Variants in METTL24 observed in about 807,000 individuals in gnomAD.
METTL24 encodes probable methyltransferase-like protein 24.
Under a neutral mutation model 32.7 loss-of-function variants are expected in METTL24, and 29 were observed. That is an observed-to-expected ratio of 0.89 (90% CI 0.66 to 1.21). The LOEUF (loss-of-function observed/expected upper bound fraction) is 1.21. Among genes scored for constraint, METTL24 ranks in the 50% most tolerant of loss-of-function variants. The pLI is 0.00. For missense variants in METTL24, 439 were observed against 468.1 expected (o/e 0.94, Z 0.57); for synonymous variants, 163 against 179.5 (o/e 0.91, Z 0.73).
At chr6:110,340,499 T>C (rs1313794039) in intron 1 of METTL24, among the ~76,000 whole-genome samples, 1 of 152,190 alleles carries the variant, frequency 6.6e-6, no homozygotes, top group Non-Finnish European at 1.5e-5. Flanking sequence ...ACAGGAGCCC[T>C]GGGCTAGGGG....
intron 4 of METTL24, among the ~76,000 whole-genome samples, chr6:110,270,277 ACTCATC>A (rs1770931860): frequency 6.6e-6 from 1 of 150,484 alleles, no homozygotes. Context: ...CTATCCTCTT[ACTCATC>A]CTCCTTCCTT....
intron 4 of METTL24, among the ~76,000 whole-genome samples, chr6:110,258,156 A>T (rs2114696777): frequency 6.6e-6 from 1 of 152,332 alleles, no homozygotes; most frequent in Non-Finnish European, 1.5e-5. Flanking sequence ...ATTTTCACTC[A>T]TTCTCCATAA....
rs183003333 is a variant in METTL24 at position 110,294,755 on chromosome 6, G to A, written c.786+4167C>T. 2.3e-3 allele frequency among the ~76,000 whole-genome samples: 349 copies of A among 152,058 alleles called. 3 individuals carry two copies. Among genetic ancestry groups the A allele is most frequent in the African/African-American group, 7.8e-3 (324 of 41,526 alleles). On this transcript the variant is annotated intron_variant, in intron 4 of 4. Coordinates refer to ENST00000338882, the MANE Select transcript of METTL24 (RefSeq NM_001123364.3). ...TACTTATCAAAGGAGAGCTAGCATG[G>A]CAGAACTAACATCAGATAAAACAAA...
intron 4 of METTL24, chr6:110,253,940 T>A (rs1324854296): frequency 6.9e-7 from 1 of 1,455,150 alleles, no homozygotes; most frequent in Non-Finnish European, 9.1e-7. Flanking sequence ...CCAGGAGGGG[T>A]GAGGAGGATG....
chr6:110,318,856 T>TA (rs1259699990), intron 2 of METTL24, among the ~76,000 whole-genome samples: 1 of 152,190 alleles, frequency 6.6e-6, no homozygotes, highest in Non-Finnish European at 1.5e-5. Context: ...AGGGCTTCAA[T>TA]AAGCTCTCTT....
At chr6:110,306,625 T>A (rs1391608413) in intron 3 of METTL24, among the ~76,000 whole-genome samples, 1 of 152,220 alleles carries the variant, frequency 6.6e-6, no homozygotes, top group African/African-American at 2.4e-5. Context: ...TATAAACATG[T>A]ACCACATTGG....
At chr6:110,286,982 GTTAATAC>G (rs932840905) in intron 4 of METTL24, among the ~76,000 whole-genome samples, 10 of 152,302 alleles carry the variant, frequency 6.6e-5, no homozygotes, top group Admixed American at 3.3e-4. Context: ...GATCTTGTGA[GTTAATAC>G]TTAATAAGCT....
At chr6:110,312,157 C>G (rs184764576) in intron 3 of METTL24, among the ~76,000 whole-genome samples, 4 of 152,256 alleles carry the variant, frequency 2.6e-5, no homozygotes, top group Admixed American at 2.6e-4. Context: ...GAGATCTTAT[C>G]TTATCCCAGT....
intron 1 of METTL24, among the ~76,000 whole-genome samples, chr6:110,324,188 C>T (rs995755346): frequency 1.3e-5 from 2 of 152,176 alleles, no homozygotes; most frequent in Non-Finnish European, 2.9e-5. Flanking sequence ...TCAATACCAG[C>T]GCTTTGGAAG....
At chr6:110,247,802 T>C (rs1028558640) in intron 4 of METTL24, among the ~76,000 whole-genome samples, 2 of 152,208 alleles carry the variant, frequency 1.3e-5, no homozygotes, top group South Asian at 4.1e-4. Flanking sequence ...TCATTGCATG[T>C]CTGTTTGATA....
At chr6:110,251,555 T>C (rs1455195623) in intron 4 of METTL24, among the ~76,000 whole-genome samples, 1 of 152,184 alleles carries the variant, frequency 6.6e-6, no homozygotes, top group Non-Finnish European at 1.5e-5. Context: ...TCTTAGTGTG[T>C]TTGCACCACC....
intron 3 of METTL24, among the ~76,000 whole-genome samples, chr6:110,314,926 T>C (rs1248254449): frequency 1.3e-5 from 2 of 151,778 alleles, no homozygotes; most frequent in Admixed American, 6.6e-5. Flanking sequence ...ATCATGCCAC[T>C]GCACTGCAGC....
At chr6:110,278,165 AG>A (rs1428577119) in intron 4 of METTL24, among the ~76,000 whole-genome samples, 1 of 152,186 alleles carries the variant, frequency 6.6e-6, no homozygotes, top group Non-Finnish European at 1.5e-5. Flanking sequence ...ATTATTTCAC[AG>A]GCATGCTGAG....
Position 110,244,239 on chromosome 6 carries a change from T to TG in METTL24, c.*1706dup, listed in dbSNP as rs752992458. Among the ~76,000 whole-genome samples, 57 of 152,124 alleles carry TG rather than the reference T, an allele frequency of 3.7e-4. No homozygotes were observed. The highest frequency in any genetic ancestry group is 6.6e-4 in the Non-Finnish European group (45 of 68,012). On this transcript the variant is annotated 3_prime_UTR_variant, in exon 5 of 5. Transcript: ENST00000338882. ...AGATTTGACAGCATAGGCAAGTCTG[T>TG]GGGTGGTAAATCATGTTTGAAGGCA...
At chr6:110,313,307 C>T (rs1051306248) in intron 3 of METTL24, among the ~76,000 whole-genome samples, 9 of 152,226 alleles carry the variant, frequency 5.9e-5, no homozygotes, top group African/African-American at 2.2e-4. Context: ...GATTACTATG[C>T]ATGCTACGCA....
chr6:110,279,279 T>C (rs1475570859), intron 4 of METTL24, among the ~76,000 whole-genome samples: 4 of 152,206 alleles, frequency 2.6e-5, no homozygotes, highest in Non-Finnish European at 5.9e-5. Context: ...CATGGTGTAT[T>C]ATACAGACAG....
At chr6:110,290,619 T>A (rs1458944331) in intron 4 of METTL24, among the ~76,000 whole-genome samples, 1 of 152,226 alleles carries the variant, frequency 6.6e-6, no homozygotes, top group Non-Finnish European at 1.5e-5. Flanking sequence ...CCCATTCACA[T>A]ATTTACAGAC....
rs536144651 is a variant in METTL24 at position 110,298,964 on chromosome 6, G to T, written c.744C>A (p.Thr248=). Reference sequence around the variant, plus strand: ...CATTCAAAATGCTTCCCAGTTTTCTGGTGTTGCTATGTGGTTTTTGGGCAG... The same window carrying T: ...CATTCAAAATGCTTCCCAGTTTTCTTGTGTTGCTATGTGGTTTTTGGGCAG... ...AVAAQKPHSN[T]RKLGSILNEF... The change falls in exon 4 of 5, where the codon ACC becomes ACA. Residue 248 remains threonine (T), a synonymous_variant. Transcript: ENST00000338882. The T allele has an allele frequency of 6.2e-7, 1 of 1,614,122 alleles. No individual in the cohort carries two copies. Among genetic ancestry groups the T allele is most frequent in the African/African-American group, 1.3e-5 (1 of 75,024 alleles).
At chr6:110,332,419 G>A (rs1772124853) in intron 1 of METTL24, 2 of 682,718 alleles carry the variant, frequency 2.9e-6, no homozygotes, top group Non-Finnish European at 3.6e-6. Flanking sequence ...ATCATGGGCA[G>A]TAAAAACAGA....
Sources: allele counts gnomAD v4.1 joint callset (sites outside exome capture counted in the v4.1 genomes callset), GRCh38; gene constraint gnomAD v4.1.1; transcripts MANE v1.5; gene names NCBI Gene and HGNC (gene_info 2026-07-23, HGNC 2026-07-21).